The following SNED1 variants were observed in gnomAD, a reference collection of about 807,000 sequenced individuals.
The protein encoded by SNED1 is sushi, nidogen and EGF like domains 1, also known as sushi, nidogen and EGF-like domain-containing protein 1.
Under a neutral mutation model 166.7 loss-of-function variants are expected in SNED1, and 81 were observed. The ratio of observed to expected loss-of-function variants is 0.49; its 90% confidence interval spans 0.41 to 0.58. The LOEUF (loss-of-function observed/expected upper bound fraction) is 0.58. Ranked by LOEUF, SNED1 falls within the 20% of genes least tolerant of loss-of-function variation. The pLI is 0.00. For synonymous variants in SNED1, 762 were observed against 822.0 expected (o/e 0.93, Z 1.25); for missense variants, 1,604 against 2,000.2 (o/e 0.80, Z 3.78).
intron 31 of SNED1, among the ~76,000 whole-genome samples, chr2:241,089,584 C>T (rs561784291): frequency 6.6e-6 from 1 of 152,320 alleles, no homozygotes. Context: ...AAAGTCTCTC[C>T]ATAAGAGAGT....
At chr2:241,047,139 AC>A (rs1225375809) in intron 8 of SNED1, among the ~76,000 whole-genome samples, 1 of 123,770 alleles carries the variant, frequency 8.1e-6, no homozygotes, top group Non-Finnish European at 1.6e-5. Flanking sequence ...AGAGAGCGAG[AC>A]TCTGTCAAAA....
intron 1 of SNED1, among the ~76,000 whole-genome samples, chr2:241,001,711 G>A (rs1283152681): frequency 2.0e-5 from 3 of 152,142 alleles, no homozygotes; most frequent in Admixed American, 6.5e-5. Flanking sequence ...AATGAGAGAC[G>A]AAATCTTCCT....
Position 241,051,697 on chromosome 2 carries a change from G to A in SNED1, c.1736-47G>A. On this transcript the variant is annotated intron_variant, in intron 12 of 31. Transcript: ENST00000310397. This position sits in a 1 kb window ranked among gnomAD's most constrained non-coding sequence, Gnocchi z 4.7. Reference sequence around the variant, plus strand: ...CAGGAGGGTATAGTGGCTCTGTGGGGCCAGCAGCCTGGCCCCGTTCATCTG... The same window carrying A: ...CAGGAGGGTATAGTGGCTCTGTGGGACCAGCAGCCTGGCCCCGTTCATCTG... The A allele has an allele frequency of 7.2e-7, 1 of 1,391,690 alleles. No homozygotes were observed. The allele number at this position is 1,391,690 out of a possible 1,614,324, so 86.2% of individuals were successfully genotyped here. A position where few individuals can be genotyped will look rare whatever the true frequency, so the allele number is the denominator to read the frequency against.
In SNED1 at chr2:241,071,708, C is replaced by CCCCCCCCCCCCCGG; in HGVS notation, c.3724_3725insCCCCCCCCCCGGCC (p.Gln1242ProfsTer20). ...GACCACAGCGCCCCCGAGACCCCCACCCAGCCCCCCAGGTACATGCCCCAC... is the reference window on the plus strand; with the variant it reads ...GACCACAGCGCCCCCGAGACCCCCACCCCCCCCCCCCCGGCCAGCCCCCCAGGTACATGCCCCAC... On this transcript the variant is annotated frameshift_variant, in exon 25 of 32. Coordinates refer to ENST00000310397, the MANE Select transcript of SNED1 (RefSeq NM_001080437.3). LOFTEE classifies it high-confidence loss of function. The CCCCCCCCCCCCCGG allele has an allele frequency of 6.8e-7, 1 of 1,474,116 alleles. No individual in the cohort carries two copies. The highest frequency in any genetic ancestry group is 9.1e-7 in the Non-Finnish European group (1 of 1,094,042). 91.3% of individuals were successfully genotyped at this position (1,474,116 alleles called of 1,614,324 possible). A position where few individuals can be genotyped will look rare whatever the true frequency, so the allele number is the denominator to read the frequency against.
intron 8 of SNED1, among the ~76,000 whole-genome samples, chr2:241,041,542 A>T (rs890763072): frequency 5.9e-5 from 9 of 152,120 alleles, no homozygotes; most frequent in African/African-American, 2.2e-4. Context: ...AAAGTTAGCC[A>T]GACGTGGTGC....
Position 241,088,352 on chromosome 2 carries a change from CTAAT to C in SNED1, c.4206-10_4206-7del, listed in dbSNP as rs778645719. ...CTCTTTTTCATTAAACGACTTTTCT[CTAAT>C]TATTTCAGGAAACAAAGTAAGAGTC... is the stretch of plus-strand genomic sequence containing the variant. On this transcript the variant is annotated splice_polypyrimidine_tract_variant and intron_variant, in intron 30 of 31. Transcript: ENST00000310397. The C allele has an allele frequency of 2.5e-6, 4 of 1,600,986 alleles. No homozygotes were observed. The highest frequency in any genetic ancestry group is 1.7e-6 in the Non-Finnish European group (2 of 1,168,066).
chr2:241,051,745 C>T lies in SNED1; in HGVS notation c.1737C>T (p.Ala579=). 6.7e-7 allele frequency: 1 copy of T among 1,488,660 alleles called. No homozygotes were observed. Among genetic ancestry groups the T allele is most frequent in the South Asian group, 1.4e-5 (1 of 74,044 alleles). The allele number at this position is 1,488,660 out of a possible 1,614,324, so 92.2% of individuals were successfully genotyped here. ...CTGCCTCTCTGTCCTTCCACACAGC[C>T]CGGCCACACCTGTGCAGCTCAGGGC... ...RGFHGKHCEK[A]RPHLCSSGPC... The change falls in exon 13 of 32, where the codon GCC becomes GCT. Residue 579 remains alanine, a splice_region_variant and synonymous_variant. Coordinates refer to ENST00000310397, the MANE Select transcript of SNED1 (RefSeq NM_001080437.3). This position sits in a 1 kb window ranked among gnomAD's most constrained non-coding sequence, Gnocchi z 4.7.
intron 1 of SNED1, among the ~76,000 whole-genome samples, chr2:241,000,267 A>G (rs1393649249): frequency 6.6e-6 from 1 of 151,884 alleles, no homozygotes; most frequent in Non-Finnish European, 1.5e-5. Context: ...ACAACTGCCA[A>G]CACCATCCAC....
Position 241,065,326 on chromosome 2 carries a change from T to C in SNED1, c.2741T>C (p.Met914Thr), listed in dbSNP as rs753696242. 6.2e-7 allele frequency: 1 copy of C among 1,612,796 alleles called. No homozygotes were observed. The highest frequency in any genetic ancestry group is 1.3e-5 in the African/African-American group (1 of 74,994). The stretch of plus-strand genomic sequence containing the variant: ...CTCTTCCCACCGACGGCCCTCAAGA[T>C]GGAGAGAGTGGAGGAGAGTGGGGTC... ...KELFPPTALK[M>T]ERVEESGVSI... is the part of the protein sequence containing the mutation. The change falls in exon 21 of 32, where the codon ATG (methionine) becomes ACG (threonine). Residue 914 changes from methionine (M) to threonine (T), a missense_variant. By Grantham distance (81) the Met-to-Thr change is moderately conservative. Coordinates refer to ENST00000310397, the MANE Select transcript of SNED1 (RefSeq NM_001080437.3).
rs747474388 is a variant in SNED1 at position 241,048,365 on chromosome 2, G to A, written c.1324G>A (p.Gly442Ser). The part of the protein sequence containing the change: ...ACLSAPCHNG[G>S]TCVDADQGYV... ...CCTCTCGGCCCCTTGCCACAATGGGGGCACCTGTGTGGATGCGGACCAGGG... is the reference window on the plus strand; with the variant it reads ...CCTCTCGGCCCCTTGCCACAATGGGAGCACCTGTGTGGATGCGGACCAGGG... Residue 442 changes from glycine to serine, a missense_variant, in exon 9 of 32, where the codon GGC becomes AGC. Gly to Ser is a moderately conservative substitution (Grantham distance 56). Around this residue, in one of 2 missense-constraint regions of SNED1, gnomAD observed 1,237 missense variants for 1,620.8 expected, o/e 0.76. Coordinates refer to ENST00000310397, the MANE Select transcript of SNED1 (RefSeq NM_001080437.3). 3.7e-6 allele frequency: 6 copies of A among 1,611,536 alleles called. No homozygotes were observed. Among genetic ancestry groups the A allele is most frequent in the Non-Finnish European group, 5.1e-6 (6 of 1,179,062 alleles).
intron 27 of SNED1, among the ~76,000 whole-genome samples, chr2:241,077,122 G>A (rs1397659184): frequency 1.3e-5 from 2 of 151,636 alleles, no homozygotes; most frequent in Non-Finnish European, 2.9e-5. Flanking sequence ...TAAACCACAC[G>A]TCAATGGCCA....
chr2:241,019,939 G>A (rs928117297), intron 1 of SNED1, among the ~76,000 whole-genome samples: 1 of 152,162 alleles, frequency 6.6e-6, no homozygotes, highest in Admixed American at 6.5e-5. Context: ...AAAAGCAGCC[G>A]TAGACAGTAA....
intron 1 of SNED1, among the ~76,000 whole-genome samples, chr2:241,016,188 A>ATTTTT (rs1181068532): frequency 7.3e-5 from 5 of 68,646 alleles, no homozygotes; most frequent in African/African-American, 1.2e-4. Flanking sequence ...GTCATGGTGG[A>ATTTTT]TTTTTTTTTT....
intron 18 of SNED1, 129 bp downstream of exon 18, chr2:241,063,829 C>A: frequency 1.2e-6 from 1 of 802,104 alleles, no homozygotes; most frequent in Non-Finnish European, 2.0e-6. Flanking sequence ...GGGCTGCGGC[C>A]ACCTTGGGAG....
chr2:241,054,151 C>T (rs1241511609), intron 16 of SNED1, among the ~76,000 whole-genome samples: 1 of 152,142 alleles, frequency 6.6e-6, no homozygotes, highest in African/African-American at 2.4e-5. Context: ...AGGTGAGCTC[C>T]TGACTGTCTT....
At chr2:241,025,788 A>C (rs2060942684) in intron 1 of SNED1, among the ~76,000 whole-genome samples, 1 of 152,022 alleles carries the variant, frequency 6.6e-6, no homozygotes, top group Admixed American at 6.6e-5. Flanking sequence ...TGAAAATATG[A>C]TTCCACTGTT....
At chr2:241,023,473 C>T (rs2060827554) in intron 1 of SNED1, among the ~76,000 whole-genome samples, 2 of 136,374 alleles carry the variant, frequency 1.5e-5, no homozygotes, top group Admixed American at 1.4e-4. Flanking sequence ...GCTTTATGGC[C>T]CAATATGTGG....
intron 5 of SNED1, 69 bp downstream of exon 5, chr2:241,036,984 C>T (rs923622086): frequency 2.7e-5 from 42 of 1,534,380 alleles, no homozygotes; most frequent in Non-Finnish European, 3.4e-5. Context: ...CTGTAGGCTC[C>T]GCCAGTGGCC....
At chr2:241,008,353 T>C (rs2060286159) in intron 1 of SNED1, among the ~76,000 whole-genome samples, 1 of 152,190 alleles carries the variant, frequency 6.6e-6, no homozygotes, top group Non-Finnish European at 1.5e-5. Context: ...TCCAGTCTCC[T>C]CCTGCCTCCT....
Sources: allele counts gnomAD v4.1 joint callset (sites outside exome capture counted in the v4.1 genomes callset), GRCh38; gene constraint gnomAD v4.1.1; regional missense constraint gnomAD v4.1.1; non-coding constraint Gnocchi (gnomAD v3.1); transcripts MANE v1.5; gene names NCBI Gene and HGNC (gene_info 2026-07-23, HGNC 2026-07-21).